ITIH1: variants seen among roughly 807,000 people sequenced by gnomAD.
ITIH1 encodes inter-alpha-trypsin inhibitor heavy chain 1, also known as inter-alpha-trypsin inhibitor heavy chain H1.
ITIH1 carries 94 observed loss-of-function variants against 104.6 expected under a neutral mutation model. The ratio of observed to expected loss-of-function variants is 0.90; its 90% CI spans 0.76 to 1.07. The LOEUF (loss-of-function observed/expected upper bound fraction) is 1.07. Ranked by LOEUF, ITIH1 falls within the 50% of genes least tolerant of loss-of-function variation. The pLI is 0.00. For synonymous variants in ITIH1, 455 were observed against 464.4 expected (o/e 0.98, Z 0.26); for missense variants, 1,193 against 1,181.4 (o/e 1.01, Z -0.14).
intron 6 of ITIH1, among the ~76,000 whole-genome samples, chr3:52,781,213 TCTTC>T (rs1699036434): frequency 2.3e-4 from 5 of 22,214 alleles, no homozygotes; most frequent in East Asian, 1.0e-3. Flanking sequence ...TTTTTTTTCT[TCTTC>T]TTCTTCTTCT....
intron 13 of ITIH1, 135 bp downstream of exon 13, chr3:52,786,569 G>A: frequency 1.1e-6 from 1 of 912,138 alleles, no homozygotes; most frequent in Non-Finnish European, 1.6e-6. Context: ...TGCTCACTGA[G>A]TTAATATCAA....
At position 52,785,177 on chromosome 3, in the gene ITIH1, G is replaced by A. The variant is rs763101480; in HGVS notation, c.1541G>A (p.Arg514His). Residue 514 changes from arginine to histidine, a missense_variant, in exon 12 of 22, where the codon CGC becomes CAC. By Grantham distance (29) the Arg-to-His change is conservative. Coordinates refer to ENST00000273283, the MANE Select transcript of ITIH1 (RefSeq NM_002215.4). The part of the protein sequence containing the change: ...YEGSEIVVAG[R>H]IADNKQSSFK... ...GGCTCAGAGATTGTGGTGGCCGGGC[G>A]CATTGCTGACAACAAACAGAGCAGC... 16 of 1,613,996 alleles carry A rather than the reference G, an allele frequency of 9.9e-6. No homozygotes were observed. The highest frequency in any genetic ancestry group is 2.2e-5 in the East Asian group (1 of 44,884).
intron 2 of ITIH1, 112 bp from the exon 3 acceptor site, chr3:52,778,228 C>CA: frequency 8.3e-7 from 1 of 1,209,694 alleles, no homozygotes; most frequent in Non-Finnish European, 1.2e-6. Flanking sequence ...TCTGTTCTTC[C>CA]TGCATCTGGG....
At chr3:52,787,567 GATA>G in intron 15 of ITIH1, 22 bp from the exon 16 acceptor site, 1 of 1,614,094 alleles carries the variant, frequency 6.2e-7, no homozygotes, top group Middle Eastern at 1.7e-4. Context: ...CACTGTCTTC[GATA>G]ATATGTCCTT....
Position 52,779,873 on chromosome 3 carries a change from T to A in ITIH1, c.573+279T>A. 29 of 1,387,696 alleles carry A rather than the reference T, an allele frequency of 2.1e-5. No individual in the cohort carries two copies. Among genetic ancestry groups the A allele is most frequent in the Non-Finnish European group, 2.6e-5 (28 of 1,068,704 alleles). The allele number at this position is 1,387,696 out of a possible 1,614,324, so 86.0% of individuals were successfully genotyped here. On this transcript the variant is annotated intron_variant, in intron 5 of 21. Transcript: ENST00000273283. The surrounding 1 kb of genome is among the most constrained non-coding windows in gnomAD (Gnocchi z 4.4). Reference sequence around the variant, plus strand: ...CAGGGATCACGAGAAGTACTGAATGTCCAGGTAATTTTGTAAACTAGAAAG... The same window carrying A: ...CAGGGATCACGAGAAGTACTGAATGACCAGGTAATTTTGTAAACTAGAAAG...
intron 6 of ITIH1, 36 bp downstream of exon 6, chr3:52,780,418 T>G: frequency 6.9e-7 from 1 of 1,457,248 alleles, no homozygotes; most frequent in Non-Finnish European, 9.6e-7. Flanking sequence ...GGTGGGCCCT[T>G]TGGAGACTTC....
chr3:52,787,276 G>C, intron 15 of ITIH1, 74 bp downstream of exon 15: 22 of 1,581,456 alleles, frequency 1.4e-5, no homozygotes, highest in Non-Finnish European at 1.7e-5. Context: ...CCAGCCCCAG[G>C]CTCGCAGCTC....
In ITIH1 at chr3:52,788,299, T is replaced by C. The variant is rs1169400557; in HGVS notation, c.2073T>C (p.Asn691=). The change falls in exon 18 of 22, where the codon AAT becomes AAC. Residue 691 remains asparagine (N), a synonymous_variant. Coordinates refer to ENST00000273283, the MANE Select transcript of ITIH1 (RefSeq NM_002215.4). ...QKEDTLCFNI[N]EEPGVILSLV... is the part of the protein sequence containing the mutation. ...AGGACACCCTGTGCTTCAACATCAA[T>C]GAGGAGCCTGGTGTTATCCTGAGCC... 1.2e-6 allele frequency: 2 copies of C among 1,611,242 alleles called. No individual in the cohort carries two copies. Among genetic ancestry groups the C allele is most frequent in the Admixed American group, 1.7e-5 (1 of 59,612 alleles).
At position 52,789,795 on chromosome 3, in the gene ITIH1, C is replaced by T; in HGVS notation, c.2262C>T (p.Asn754=). The T allele has an allele frequency of 1.2e-6, 2 of 1,614,250 alleles. No individual in the cohort carries two copies. The highest frequency in any genetic ancestry group is 1.1e-5 in the South Asian group (1 of 91,088). ...TGACTCCTCAGAACATTACGCTGAA[C>T]CCCGGCTTTGGTGGGCCTGTGTTTT... The part of the protein sequence containing the change: ...LEVTPQNITL[N]PGFGGPVFSW... Residue 754 remains asparagine (N), a synonymous_variant, in exon 19 of 22, where the codon AAC becomes AAT. Coordinates refer to ENST00000273283, the MANE Select transcript of ITIH1 (RefSeq NM_002215.4).
chr3:52,777,886 T>G, intron 1 of ITIH1, 111 bp from the exon 2 acceptor site: 9 of 1,457,926 alleles, frequency 6.2e-6, no homozygotes, highest in Non-Finnish European at 8.7e-6. Flanking sequence ...ACCAAGGAGG[T>G]GAAGCTAAGG....
At position 52,779,678 on chromosome 3, in the gene ITIH1, TCA is replaced by T. The variant is rs1211115788; in HGVS notation, c.573+86_573+87del. ...ACACTGGTTGAGCACCCACCATGTG[TCA>T]CCACCCAGGCCTGAGAACACAGGGA... On this transcript the variant is annotated intron_variant, in intron 5 of 21. Coordinates refer to ENST00000273283, the MANE Select transcript of ITIH1 (RefSeq NM_002215.4). The surrounding 1 kb of genome is among the most constrained non-coding windows in gnomAD (Gnocchi z 4.4). 1.1e-5 allele frequency: 16 copies of T among 1,498,478 alleles called. No homozygotes were observed. The highest frequency in any genetic ancestry group is 1.5e-5 in the Non-Finnish European group (16 of 1,076,388). The allele number at this position is 1,498,478 out of a possible 1,614,324, so 92.8% of individuals were successfully genotyped here.
chr3:52,778,880 C>A (rs918696999), intron 3 of ITIH1, 62 bp from the exon 4 acceptor site: 1 of 1,274,500 alleles, frequency 7.8e-7, no homozygotes, highest in African/African-American at 1.5e-5. Context: ...TGGACAGGCC[C>A]TCTCAGGACC....
rs753613102 is a variant in ITIH1, at chr3:52,787,334, CCT to C, written c.1903+133_1903+134del. 1.9e-3 allele frequency: 2,452 copies of C among 1,309,108 alleles called. 1 individual carries two copies. The highest frequency in any genetic ancestry group is 2.6e-3 in the Non-Finnish European group (2,367 of 906,630). The allele number at this position is 1,309,108 out of a possible 1,614,324, so 81.1% of individuals were successfully genotyped here. ...TCCACTCCTTCCCGTTCTTCCGTCC[CCT>C]GAGCCGCCCTTCTCCACATCACCGC... On this transcript the variant is annotated intron_variant, in intron 15 of 21. Coordinates refer to ENST00000273283, the MANE Select transcript of ITIH1 (RefSeq NM_002215.4).
At chr3:52,777,962 T>G (rs368614541) in intron 1 of ITIH1, 35 bp from the exon 2 acceptor site, 5 of 1,614,070 alleles carry the variant, frequency 3.1e-6, no homozygotes, top group Non-Finnish European at 4.2e-6. Flanking sequence ...CCCCTGAGTT[T>G]TCCTCTCACA....
At chr3:52,784,630 A>C (rs1699152491) in intron 11 of ITIH1, among the ~76,000 whole-genome samples, 153 bp downstream of exon 11, 1 of 152,180 alleles carries the variant, frequency 6.6e-6, no homozygotes, top group South Asian at 2.1e-4. Flanking sequence ...CAAGCCTGTA[A>C]TCCCAGCACT....
intron 19 of ITIH1, chr3:52,790,083 T>C (rs1029429052): frequency 4.9e-5 from 28 of 569,046 alleles, no homozygotes; most frequent in African/African-American, 4.7e-4. Flanking sequence ...GCACCTTAGC[T>C]CTGAATGCCA....
Position 52,790,898 on chromosome 3 carries a change from C to T in ITIH1, c.2471C>T (p.Ser824Leu). 1.2e-6 allele frequency: 2 copies of T among 1,606,078 alleles called. No individual in the cohort carries two copies. The highest frequency in any genetic ancestry group is 1.7e-6 in the Non-Finnish European group (2 of 1,177,114). ...TATGTGCTGGACAGTCATCGGATGT[C>T]AGCCCGGACGCACGGGCTGCTGGGT... is the stretch of plus-strand genomic sequence containing the variant. ...GFYVLDSHRM[S>L]ARTHGLLGQF... Residue 824 changes from serine (S) to leucine (L), a missense_variant, in exon 20 of 22, where the codon TCA becomes TTA. Physicochemically the swap from Ser to Leu is moderately radical, Grantham distance 145 (BLOSUM62 -2). Coordinates refer to ENST00000273283, the MANE Select transcript of ITIH1 (RefSeq NM_002215.4).
intron 8 of ITIH1, among the ~76,000 whole-genome samples, chr3:52,782,602 G>A (rs1699093036): frequency 6.6e-6 from 1 of 152,222 alleles, no homozygotes; most frequent in South Asian, 2.1e-4. Flanking sequence ...GCATCTTATA[G>A]CAGGGAATAG....
intron 6 of ITIH1, among the ~76,000 whole-genome samples, chr3:52,781,552 C>A (rs1219047837): frequency 6.6e-6 from 1 of 152,128 alleles, no homozygotes; most frequent in African/African-American, 2.4e-5. Context: ...ATTCTGCACC[C>A]TTCCTTCCAG....
Sources: allele counts gnomAD v4.1 joint callset (sites outside exome capture counted in the v4.1 genomes callset), GRCh38; gene constraint gnomAD v4.1.1; non-coding constraint Gnocchi (gnomAD v3.1); transcripts MANE v1.5; gene names NCBI Gene and HGNC (gene_info 2026-07-23, HGNC 2026-07-21).